Variants in KCNC2 observed in about 807,000 individuals in gnomAD.
The protein encoded by KCNC2 is potassium voltage-gated channel subfamily C member 2.
In KCNC2, 21 loss-of-function variants were observed where a neutral mutation model predicts 44.5. That is an observed-to-expected ratio of 0.47 (90% CI 0.33 to 0.68). The LOEUF (loss-of-function observed/expected upper bound fraction) is 0.68. Ranked by LOEUF, KCNC2 falls within the 30% of genes least tolerant of loss-of-function variation. KCNC2 has a pLI of 0.01. For synonymous variants in KCNC2, 391 were observed against 339.1 expected (o/e 1.15, Z -1.68); for missense variants, 589 against 826.2 (o/e 0.71, Z 3.52).
At chr12:75,095,442 C>T (rs925447808) in intron 2 of KCNC2, among the ~76,000 whole-genome samples, 1 of 151,726 alleles carries the variant, frequency 6.6e-6, no homozygotes, top group African/African-American at 2.4e-5. Context: ...GTTGCCTTCC[C>T]TGTTTCTAGT....
In KCNC2 at chr12:75,132,709, A is replaced by G. The variant is rs141348455; in HGVS notation, c.687+74588T>C. On this transcript the variant is annotated intron_variant, in intron 2 of 4. Coordinates refer to ENST00000549446, the MANE Select transcript of KCNC2 (RefSeq NM_139137.4). ...TATATAAAGGATGCAAACTCTCAAT[A>G]CAAAATAAAGGGTTTTATGGTGTAT... Among the ~76,000 whole-genome samples the G allele has an allele frequency of 3.0e-3, 458 of 152,274 alleles. 1 individual carries two copies. The highest frequency in any genetic ancestry group is 0.02 in the Middle Eastern group (6 of 294).
Position 75,157,094 on chromosome 12 carries a change from G to A in KCNC2, c.687+50203C>T, listed in dbSNP as rs754687475. Among the ~76,000 whole-genome samples, 6 of 151,974 alleles carry A rather than the reference G, an allele frequency of 3.9e-5. No individual in the cohort carries two copies. The South Asian group carries it at 1.2e-3, about 32-fold the overall frequency. On this transcript the variant is annotated intron_variant, in intron 2 of 4. Transcript: ENST00000549446. ...TAGTCATTCTCCCTTCTTCCTCACT[G>A]ACAGAACATCAGTTTTGTTAGAAGC...
At chr12:75,069,711 C>A (rs7300821) in intron 2 of KCNC2, among the ~76,000 whole-genome samples, 63,413 of 152,032 alleles carry the variant, frequency 0.42, 16,503 homozygotes, top group Non-Finnish European at 0.59. Flanking sequence ...CCCTTCCTCA[C>A]CTTCAACCTC....
At chr12:75,106,510 C>T (rs1480712081) in intron 2 of KCNC2, among the ~76,000 whole-genome samples, 7 of 151,854 alleles carry the variant, frequency 4.6e-5, no homozygotes, top group Non-Finnish European at 1.0e-4. Context: ...ACTTACTGAG[C>T]AAAAGGAGGC....
chr12:75,057,169 C>A lies in KCNC2; in HGVS notation c.688-5852G>T, dbSNP rs553861029. Among the ~76,000 whole-genome samples the A allele has an allele frequency of 2.6e-5, 4 of 152,010 alleles. No homozygotes were observed. The South Asian group carries it at 6.2e-4, about 24-fold the overall frequency. The stretch of plus-strand genomic sequence containing the variant: ...ATGACCATTAAGTTGATTTTATTAA[C>A]CCATAGAACTTATAAATTGGAAGTT... On this transcript the variant is annotated intron_variant, in intron 2 of 4. Transcript: ENST00000549446.
At chr12:75,116,420 C>G in intron 2 of KCNC2, among the ~76,000 whole-genome samples, 1 of 152,062 alleles carries the variant, frequency 6.6e-6, no homozygotes, top group East Asian at 1.9e-4. Context: ...AGAAAGAAGA[C>G]TATAAAAGCA....
intron 2 of KCNC2, among the ~76,000 whole-genome samples, chr12:75,078,910 C>T (rs7131849): frequency 0.17 from 25,196 of 152,050 alleles, 2,535 homozygotes; most frequent in Admixed American, 0.27. Flanking sequence ...ACTTTAATTA[C>T]GGTAGGATAA....
At chr12:75,049,999 C>T (rs1457165185) in intron 3 of KCNC2, among the ~76,000 whole-genome samples, 1 of 151,924 alleles carries the variant, frequency 6.6e-6, no homozygotes. Context: ...CTGAGACAAA[C>T]ACACCAAGCC....
chr12:75,134,632 G>A (rs546337774), intron 2 of KCNC2, among the ~76,000 whole-genome samples: 7 of 151,406 alleles, frequency 4.6e-5, no homozygotes, highest in African/African-American at 7.3e-5. Context: ...ATGAAATGTT[G>A]GGTTAGAGTT....
chr12:75,093,576 A>G (rs182629346), intron 2 of KCNC2, among the ~76,000 whole-genome samples: 257 of 151,814 alleles, frequency 1.7e-3, no homozygotes, highest in African/African-American at 5.7e-3. Flanking sequence ...TAATCACAAC[A>G]TATTAAAATT....
chr12:75,182,865 C>T (rs1011141229), intron 2 of KCNC2, among the ~76,000 whole-genome samples: 1 of 152,214 alleles, frequency 6.6e-6, no homozygotes, highest in African/African-American at 2.4e-5. Flanking sequence ...CAAAATTCTG[C>T]TATTCCTAGA....
chr12:75,135,935 C>A (rs188212135), intron 2 of KCNC2, among the ~76,000 whole-genome samples: 1 of 152,106 alleles, frequency 6.6e-6, no homozygotes, highest in East Asian at 1.9e-4. Flanking sequence ...CTGAGGAAGA[C>A]CTGATAATTC....
chr12:75,200,139 C>T (rs1256890540), intron 2 of KCNC2, among the ~76,000 whole-genome samples: 3 of 151,764 alleles, frequency 2.0e-5, no homozygotes, highest in Non-Finnish European at 3.0e-5. Flanking sequence ...GGGATCAGAG[C>T]CTATCCTTCC....
rs954928117 is a variant in KCNC2, at chr12:75,209,259, G to T, written c.-72C>A. 6.6e-6 allele frequency: 1 copy of T among 152,272 alleles called. No individual in the cohort carries two copies. Among genetic ancestry groups the T allele is most frequent in the African/African-American group, 2.4e-5 (1 of 41,452 alleles). The allele number at this position is 152,272 out of a possible 1,614,324, so 9.4% of individuals were successfully genotyped here. A position where few individuals can be genotyped will look rare whatever the true frequency, so the allele number is the denominator to read the frequency against. The stretch of plus-strand genomic sequence containing the variant: ...CTGCTTTGGTTTCCGAGTGGACGAG[G>T]TTCTCTGGGCAGCGGGACTGAGTCT... On this transcript the variant is annotated 5_prime_UTR_variant, in exon 1 of 5. Coordinates refer to ENST00000549446, the MANE Select transcript of KCNC2 (RefSeq NM_139137.4).
intron 2 of KCNC2, among the ~76,000 whole-genome samples, chr12:75,201,262 G>A (rs865888694): frequency 0.22 from 4,049 of 18,264 alleles, 113 homozygotes; most frequent in Admixed American, 0.33. Context: ...AACGAAATTG[G>A]AAAAAAAAAA....
At chr12:75,116,687 G>T (rs932580477) in intron 2 of KCNC2, among the ~76,000 whole-genome samples, 18 of 152,046 alleles carry the variant, frequency 1.2e-4, no homozygotes, top group African/African-American at 4.4e-4. Context: ...GAACAAAAGG[G>T]TCACATAGGA....
intron 2 of KCNC2, among the ~76,000 whole-genome samples, chr12:75,103,737 T>G (rs747457967): frequency 1.1e-4 from 16 of 152,172 alleles, no homozygotes; most frequent in Non-Finnish European, 2.4e-4. Flanking sequence ...TACCTAACCC[T>G]ATATACACTT....
intron 2 of KCNC2, among the ~76,000 whole-genome samples, chr12:75,071,396 A>C (rs1883384918): frequency 6.6e-6 from 1 of 152,178 alleles, no homozygotes; most frequent in Non-Finnish European, 1.5e-5. Context: ...TTTGTTTTTC[A>C]CAATCTTTAA....
At chr12:75,072,627 A>T (rs1352720287) in intron 2 of KCNC2, among the ~76,000 whole-genome samples, 1 of 152,088 alleles carries the variant, frequency 6.6e-6, no homozygotes, top group African/African-American at 2.4e-5. Flanking sequence ...AAATCAAGTA[A>T]GTCCCATATA....
Sources: gnomAD v4.1 joint callset for allele counts (sites outside exome capture counted in the v4.1 genomes callset) on GRCh38, gnomAD v4.1.1 for gene constraint, MANE v1.5 for transcripts, NCBI Gene and HGNC (gene_info 2026-07-23, HGNC 2026-07-21) for gene names.